PHLDA3: variants seen among roughly 807,000 people sequenced by gnomAD.
The protein encoded by PHLDA3 is pleckstrin homology like domain family A member 3.
Under a neutral mutation model 7.6 loss-of-function variants are expected in PHLDA3, and 12 were observed. The observed-to-expected ratio is 1.58, with a 90% CI of 1.01 to 2.55. The LOEUF is 2.55. Ranked by LOEUF, PHLDA3 falls within the 30% of genes most tolerant of loss-of-function variation. PHLDA3 has a pLI of 0.00. For synonymous variants in PHLDA3, 104 were observed against 85.1 expected (o/e 1.22, Z -1.23); for missense variants, 177 against 175.6 (o/e 1.01, Z -0.05).
chr1:201,468,284 T>G, intron 1 of PHLDA3, 57 bp downstream of exon 1: 11 of 1,139,856 alleles, frequency 9.7e-6, no homozygotes, highest in Non-Finnish European at 1.4e-5. Flanking sequence ...ATTCTCTCTG[T>G]AGGGGAAAGA....
At chr1:201,466,385 G>A (rs946281932) in intron 1 of PHLDA3, 5 of 152,150 alleles carry the variant, frequency 3.3e-5, no homozygotes, top group Non-Finnish European at 7.3e-5. Flanking sequence ...TCAGCACAGG[G>A]GGTCTGCCTT....
rs1558300539 is a variant in PHLDA3 at position 201,469,092 on chromosome 1, G to C, written c.-306C>G. ...GCCTCCGCGCCTCCCTAGGCCGTGA[G>C]CCCCACCGCCCGCCCGTTCTCTTGC... On this transcript the variant is annotated 5_prime_UTR_variant, in exon 1 of 2. Transcript: ENST00000367311. The C allele has an allele frequency of 6.5e-6, 2 of 307,106 alleles. No homozygotes were observed. Among genetic ancestry groups the C allele is most frequent in the Non-Finnish European group, 1.2e-5 (2 of 169,368 alleles). 19.0% of individuals were successfully genotyped at this position (307,106 alleles called of 1,614,324 possible).
rs1663753126 is a variant in PHLDA3 at position 201,468,834 on chromosome 1, G to A, written c.-48C>T. On this transcript the variant is annotated 5_prime_UTR_variant, in exon 1 of 2. Transcript: ENST00000367311. ...AGCTCCAGGCTGCGGCGGGCGCGGCGCCCCTCTCGGCCCCGCAGCGCAGGA... is the reference window on the plus strand; with the variant it reads ...AGCTCCAGGCTGCGGCGGGCGCGGCACCCCTCTCGGCCCCGCAGCGCAGGA... 2.7e-6 allele frequency: 4 copies of A among 1,458,026 alleles called. No homozygotes were observed. The East Asian group carries it at 1.1e-4, about 40-fold the overall frequency. 90.3% of individuals were successfully genotyped at this position (1,458,026 alleles called of 1,614,324 possible).
At position 201,468,955 on chromosome 1, in the gene PHLDA3, G is replaced by T; in HGVS notation, c.-169C>A. 1.5e-6 allele frequency: 1 copy of T among 646,510 alleles called. No homozygotes were observed. Among genetic ancestry groups the T allele is most frequent in the Non-Finnish European group, 2.2e-6 (1 of 453,660 alleles). The allele number at this position is 646,510 out of a possible 1,614,324, so 40.0% of individuals were successfully genotyped here. On this transcript the variant is annotated 5_prime_UTR_variant, in exon 1 of 2. Transcript: ENST00000367311. ...CGCGGCCCTCAGCACCCGGCTGCCGGTGAGGTGGTGTCGGTGCCCCCAGCG... is the reference window on the plus strand; with the variant it reads ...CGCGGCCCTCAGCACCCGGCTGCCGTTGAGGTGGTGTCGGTGCCCCCAGCG...
intron 1 of PHLDA3, chr1:201,467,431 C>G (rs1018930154): frequency 6.6e-6 from 1 of 151,974 alleles, no homozygotes; most frequent in Non-Finnish European, 1.5e-5. Context: ...GCCAACATGG[C>G]GAAACCCCAT....
In PHLDA3 at chr1:201,468,377, G is replaced by T; in HGVS notation, c.*26C>A. 1 of 1,613,238 alleles carries T rather than the reference G, an allele frequency of 6.2e-7. No homozygotes were observed. Among genetic ancestry groups the T allele is most frequent in the Non-Finnish European group, 8.5e-7 (1 of 1,179,714 alleles). Reference sequence around the variant, plus strand: ...TCAGCACTGAGGTGGTGGGTAGCATGAAGGAAAGATGGTGCGCCCGGTGGT... The same window carrying T: ...TCAGCACTGAGGTGGTGGGTAGCATTAAGGAAAGATGGTGCGCCCGGTGGT... On this transcript the variant is annotated 3_prime_UTR_variant, in exon 1 of 2. Transcript: ENST00000367311.
rs2102391832 is a variant in PHLDA3, at chr1:201,464,867, C to G, written c.*1374G>C. On this transcript the variant is annotated 3_prime_UTR_variant, in exon 2 of 2. Transcript: ENST00000367311. ...CTGCTTTGTCACCTAGGCTGGAGTG[C>G]AGTGGTGCCATCTCAGCTCACTGTA... The G allele has an allele frequency of 6.6e-6, 1 of 152,252 alleles. No homozygotes were observed. Among genetic ancestry groups the G allele is most frequent in the East Asian group, 1.9e-4 (1 of 5,172 alleles). The allele number at this position is 152,252 out of a possible 1,614,324, so 9.4% of individuals were successfully genotyped here. A position where few individuals can be genotyped will look rare whatever the true frequency, so the allele number is the denominator to read the frequency against.
rs1411083413 is a variant in PHLDA3, at chr1:201,469,020, C to CCTCCGCTCTACCCCAGCTGG, written c.-254_-235dup. 2 of 423,612 alleles carry CCTCCGCTCTACCCCAGCTGG rather than the reference C, an allele frequency of 4.7e-6. No individual in the cohort carries two copies. The highest frequency in any genetic ancestry group is 4.2e-5 in the African/African-American group (2 of 47,544). 26.2% of individuals were successfully genotyped at this position (423,612 alleles called of 1,614,324 possible). On this transcript the variant is annotated 5_prime_UTR_variant, in exon 1 of 2. Coordinates refer to ENST00000367311, the MANE Select transcript of PHLDA3 (RefSeq NM_012396.5). ...CGCCCCGCTTCAGCCGGCACCCGCT[C>CCTCCGCTCTACCCCAGCTGG]CTCCGCTCTACCCCAGCTGGCCCAG...
In PHLDA3 at chr1:201,469,034, C is replaced by T. The variant is rs907561047; in HGVS notation, c.-248G>A. The T allele has an allele frequency of 3.0e-5, 12 of 403,580 alleles. No individual in the cohort carries two copies. Among genetic ancestry groups the T allele is most frequent in the Middle Eastern group, 1.3e-3 (2 of 1,554 alleles). 25.0% of individuals were successfully genotyped at this position (403,580 alleles called of 1,614,324 possible). A position where few individuals can be genotyped will look rare whatever the true frequency, so the allele number is the denominator to read the frequency against. On this transcript the variant is annotated 5_prime_UTR_variant, in exon 1 of 2. Transcript: ENST00000367311. ...CGGCACCCGCTCCTCCGCTCTACCC[C>T]AGCTGGCCCAGCCCGACCCGCCTCT... is the stretch of plus-strand genomic sequence containing the variant.
In PHLDA3 at chr1:201,466,037, TC is replaced by T. The variant is rs1338635189; in HGVS notation, c.*203del. The T allele has an allele frequency of 1.3e-5, 2 of 154,922 alleles. No homozygotes were observed. The highest frequency in any genetic ancestry group is 1.3e-4 in the Admixed American group (2 of 15,282). 9.6% of individuals were successfully genotyped at this position (154,922 alleles called of 1,614,324 possible). On this transcript the variant is annotated 3_prime_UTR_variant, in exon 2 of 2. Coordinates refer to ENST00000367311, the MANE Select transcript of PHLDA3 (RefSeq NM_012396.5). The stretch of plus-strand genomic sequence containing the variant: ...GGACCATCCAGGGGCTGCATCTTCA[TC>T]CTCAGCCCTGCGTAGCCTTCTGCCC...
rs963550400 is a variant in PHLDA3 at position 201,468,670 on chromosome 1, C to G, written c.117G>C (p.Gln39His). Residue 39 changes from glutamine to histidine, a missense_variant, in exon 1 of 2, where the codon CAG becomes CAC. Gln to His is a conservative substitution (Grantham distance 24). Transcript: ENST00000367311. ...KRCVLTERGL[Q>H]LFEAKGTGGR... ...CGCCCGTGCCCTTGGCCTCGAAGAG[C>G]TGCAGCCCGCGTTCGGTGAGGACGC... 148 of 1,612,336 alleles carry G rather than the reference C, an allele frequency of 9.2e-5. No individual in the cohort carries two copies. The highest frequency in any genetic ancestry group is 1.2e-4 in the Non-Finnish European group (144 of 1,179,812).
chr1:201,466,604 G>A (rs985282029), intron 1 of PHLDA3: 2 of 152,112 alleles, frequency 1.3e-5, no homozygotes, highest in Non-Finnish European at 2.9e-5. Flanking sequence ...TAGAAGGAAG[G>A]CTAAATCCTT....
Position 201,468,967 on chromosome 1 carries a change from C to A in PHLDA3, c.-181G>T. On this transcript the variant is annotated 5_prime_UTR_variant, in exon 1 of 2. Coordinates refer to ENST00000367311, the MANE Select transcript of PHLDA3 (RefSeq NM_012396.5). ...CACCCGGCTGCCGGTGAGGTGGTGT[C>A]GGTGCCCCCAGCGCGCTCCGCGCCC... 1 of 566,340 alleles carries A rather than the reference C, an allele frequency of 1.8e-6. No individual in the cohort carries two copies. Among genetic ancestry groups the A allele is most frequent in the Non-Finnish European group, 2.7e-6 (1 of 368,556 alleles). 35.1% of individuals were successfully genotyped at this position (566,340 alleles called of 1,614,324 possible). A position where few individuals can be genotyped will look rare whatever the true frequency, so the allele number is the denominator to read the frequency against.
chr1:201,466,850 C>A (rs1253460088), intron 1 of PHLDA3, among the ~76,000 whole-genome samples: 1 of 151,880 alleles, frequency 6.6e-6, no homozygotes, highest in Non-Finnish European at 1.5e-5. Context: ...CCCATGCCCT[C>A]CTCCAGCTTC....
At chr1:201,467,643 C>A (rs1294613990) in intron 1 of PHLDA3, 1 of 27,468 alleles carries the variant, frequency 3.6e-5, no homozygotes, top group Non-Finnish European at 1.2e-4. Flanking sequence ...AAACCATACA[C>A]ACACACACAC....
chr1:201,468,169 C>A (rs1663720824), intron 1 of PHLDA3, among the ~76,000 whole-genome samples, 172 bp downstream of exon 1: 1 of 152,252 alleles, frequency 6.6e-6, no homozygotes, highest in African/African-American at 2.4e-5. Flanking sequence ...AGGGGAAAGT[C>A]CGGATCTGCT....
chr1:201,467,250 A>G (rs918411553), intron 1 of PHLDA3, among the ~76,000 whole-genome samples: 2 of 152,012 alleles, frequency 1.3e-5, no homozygotes, highest in African/African-American at 4.8e-5. Flanking sequence ...GAAGCTGTTG[A>G]GGCTGCAGTG....
In PHLDA3 at chr1:201,466,105, T is replaced by G. The variant is rs1336495491; in HGVS notation, c.*136A>C. ...CCATTCCTTCAGCTCCAGCGCCTCC[T>G]CCACACGTCCATGCCTTCCACCTTG... is the stretch of plus-strand genomic sequence containing the variant. On this transcript the variant is annotated 3_prime_UTR_variant, in exon 2 of 2. Transcript: ENST00000367311. 1 of 154,956 alleles carries G rather than the reference T, an allele frequency of 6.5e-6. No individual in the cohort carries two copies. Among genetic ancestry groups the G allele is most frequent in the Non-Finnish European group, 1.5e-5 (1 of 68,580 alleles). 9.6% of individuals were successfully genotyped at this position (154,956 alleles called of 1,614,324 possible). A position where few individuals can be genotyped will look rare whatever the true frequency, so the allele number is the denominator to read the frequency against.
At chr1:201,468,065 G>A (rs1038290978) in intron 1 of PHLDA3, among the ~76,000 whole-genome samples, 5 of 152,220 alleles carry the variant, frequency 3.3e-5, no homozygotes, top group African/African-American at 1.2e-4. Flanking sequence ...CAACTTGAAA[G>A]AAGGCTCATC....
Sources: allele counts gnomAD v4.1 joint callset (sites outside exome capture counted in the v4.1 genomes callset), GRCh38; gene constraint gnomAD v4.1.1; transcripts MANE v1.5; gene names NCBI Gene and HGNC (gene_info 2026-07-23, HGNC 2026-07-21).